Variants in PTPRC observed in about 807,000 individuals in gnomAD.
PTPRC encodes receptor-type tyrosine-protein phosphatase C.
In PTPRC, 44 loss-of-function variants were observed where a neutral mutation model predicts 155.9. That is an observed-to-expected ratio of 0.28 (90% confidence interval 0.22 to 0.36). The LOEUF is 0.36. Ranked by LOEUF, PTPRC falls within the 10% of genes least tolerant of loss-of-function variation. The pLI, the probability that PTPRC is intolerant of heterozygous loss-of-function variation, is 1.00. For synonymous variants in PTPRC, 525 were observed against 533.1 expected, an observed-to-expected ratio of 0.98 and a Z score of 0.21; for missense variants, 1,401 against 1,564.6, an observed-to-expected ratio of 0.90 and a Z score of 1.76.
intron 2 of PTPRC, among the ~76,000 whole-genome samples, chr1:198,668,524 C>A (rs1316700803): frequency 6.6e-6 from 1 of 152,048 alleles, no homozygotes; most frequent in African/African-American, 2.4e-5. Flanking sequence ...TTTAATTTTG[C>A]CAAGCATCTT....
chr1:198,729,931 G>A (rs745926818), intron 17 of PTPRC, among the ~76,000 whole-genome samples: 31 of 152,070 alleles, frequency 2.0e-4, no homozygotes, highest in Non-Finnish European at 3.8e-4. Flanking sequence ...CACAGAGATG[G>A]GGAGATGGGA....
intron 2 of PTPRC, among the ~76,000 whole-genome samples, chr1:198,666,391 A>G (rs1664308734): frequency 6.6e-6 from 1 of 152,164 alleles, no homozygotes; most frequent in African/African-American, 2.4e-5. Flanking sequence ...AACAATGAAA[A>G]GATTCTTTTA....
chr1:198,735,042 T>C (rs1654564252), intron 22 of PTPRC, 85 bp from the exon 23 acceptor site: 1 of 1,230,908 alleles, frequency 8.1e-7, no homozygotes, highest in South Asian at 1.4e-5. Context: ...TGAGTATAGG[T>C]TTTGTTTTCA....
At chr1:198,642,729 CT>C (rs1175856882) in intron 2 of PTPRC, among the ~76,000 whole-genome samples, 1 of 151,696 alleles carries the variant, frequency 6.6e-6, no homozygotes, top group Non-Finnish European at 1.5e-5. Flanking sequence ...AAGTCTCATC[CT>C]TTTTTTAATG....
intron 2 of PTPRC, among the ~76,000 whole-genome samples, chr1:198,674,783 A>T (rs1455449615): frequency 1.3e-5 from 2 of 152,114 alleles, no homozygotes; most frequent in Admixed American, 1.3e-4. Context: ...AGTTGCAAAG[A>T]TAGTAAGGAA....
chr1:198,694,695 G>A, intron 3 of PTPRC: 1 of 978,262 alleles, frequency 1.0e-6, no homozygotes, highest in Non-Finnish European at 1.2e-6. Context: ...TGAATAGAAA[G>A]AATTCTAAAC....
chr1:198,644,388 C>T (rs938956873), intron 2 of PTPRC, among the ~76,000 whole-genome samples: 8 of 151,842 alleles, frequency 5.3e-5, no homozygotes, highest in African/African-American at 1.7e-4. Flanking sequence ...GATTTGATGC[C>T]TATTTCTATA....
intron 8 of PTPRC, among the ~76,000 whole-genome samples, chr1:198,705,355 A>C (rs1652892051): frequency 6.7e-6 from 1 of 149,692 alleles, no homozygotes; most frequent in Non-Finnish European, 1.5e-5. Context: ...TTGCCTCCTT[A>C]TGTTCTTCAC....
intron 27 of PTPRC, among the ~76,000 whole-genome samples, chr1:198,748,708 TCTA>T (rs999363851): frequency 5.9e-5 from 9 of 151,802 alleles, no homozygotes; most frequent in Admixed American, 5.9e-4. Context: ...ATACTTGAAT[TCTA>T]CTATTTAAGC....
chr1:198,752,342 C>T lies in PTPRC; in HGVS notation c.3301C>T (p.Leu1101Phe), dbSNP rs752896056. 1.9e-6 allele frequency: 3 copies of T among 1,612,632 alleles called. No homozygotes were observed. In the East Asian group the frequency reaches 6.7e-5, roughly 36 times the overall value. Reference protein sequence around the residue: ...KDTDKSSTYTLRVFELRHSKR... With the variant: ...KDTDKSSTYTFRVFELRHSKR... ...CACAGACAAATCTTCAACTTATACC[C>T]TTCGTGTCTTTGAACTGAGACATTC... is the stretch of plus-strand genomic sequence containing the variant. Residue 1101 changes from leucine to phenylalanine, a missense_variant, in exon 30 of 33, where the codon CTT (leucine) becomes TTT (phenylalanine). Transcript: ENST00000442510.
chr1:198,718,884 A>C (rs1294910499), intron 14 of PTPRC, among the ~76,000 whole-genome samples: 1 of 152,150 alleles, frequency 6.6e-6, no homozygotes, highest in Non-Finnish European at 1.5e-5. Flanking sequence ...CTGTATTTTT[A>C]ATATATCACT....
chr1:198,661,543 T>C (rs1663963401), intron 2 of PTPRC, among the ~76,000 whole-genome samples: 2 of 151,900 alleles, frequency 1.3e-5, no homozygotes, highest in Non-Finnish European at 2.9e-5. Context: ...AAACATTAAT[T>C]TTCTACTAAT....
At chr1:198,755,499 TAAG>T (rs749840294) in intron 32 of PTPRC, among the ~76,000 whole-genome samples, 2 of 152,046 alleles carry the variant, frequency 1.3e-5, no homozygotes, top group African/African-American at 4.8e-5. Context: ...AGAAAAATTA[TAAG>T]AAGAACATGA....
At chr1:198,648,206 A>C (rs1308957270) in intron 2 of PTPRC, among the ~76,000 whole-genome samples, 4 of 151,886 alleles carry the variant, frequency 2.6e-5, no homozygotes, top group African/African-American at 7.2e-5. Context: ...ACTAGACAAT[A>C]GTCCTATTTT....
intron 23 of PTPRC, 63 bp downstream of exon 23, chr1:198,735,315 T>C: frequency 7.5e-7 from 1 of 1,328,336 alleles, no homozygotes; most frequent in South Asian, 1.3e-5. Flanking sequence ...AATTATGGAA[T>C]ATTAAAAGTG....
In PTPRC at chr1:198,732,466, T is replaced by C. The variant is rs1057521744; in HGVS notation, c.2066-14T>C. ...TCACTATTTCACTTGTTTATTTTTC[T>C]TTTCCTTAAACAGATGATTATAACC... On this transcript the variant is annotated splice_polypyrimidine_tract_variant and intron_variant, in intron 19 of 32. Transcript: ENST00000442510. 1.9e-6 allele frequency: 3 copies of C among 1,609,246 alleles called. No individual in the cohort carries two copies. The highest frequency in any genetic ancestry group is 1.7e-6 in the Non-Finnish European group (2 of 1,176,392).
intron 29 of PTPRC, 96 bp from the exon 30 acceptor site, chr1:198,752,153 A>G: frequency 3.0e-6 from 4 of 1,340,172 alleles, no homozygotes; most frequent in Non-Finnish European, 4.3e-6. Flanking sequence ...AATAGAAAAG[A>G]GGCACAGACA....
chr1:198,682,800 C>T (rs1345841531), intron 2 of PTPRC, among the ~76,000 whole-genome samples: 2 of 152,120 alleles, frequency 1.3e-5, no homozygotes, highest in Non-Finnish European at 2.9e-5. Context: ...AGGCATAGGC[C>T]TGTTCACTTT....
At position 198,756,487 on chromosome 1, in the gene PTPRC, AG is replaced by A. The variant is rs558201495; in HGVS notation, c.*307del. On this transcript the variant is annotated 3_prime_UTR_variant, in exon 33 of 33. Coordinates refer to ENST00000442510, the MANE Select transcript of PTPRC (RefSeq NM_002838.5). ...GTTTGTGTGAGAGACAGAGAAAGAGAGAGAATTCTTTCAAGTGAATCTAAAA... is the reference window on the plus strand; with the variant it reads ...GTTTGTGTGAGAGACAGAGAAAGAGAAGAATTCTTTCAAGTGAATCTAAAA... The A allele has an allele frequency of 2.4e-5, 6 of 249,518 alleles. No individual in the cohort carries two copies. The highest frequency in any genetic ancestry group is 8.4e-5 in the South Asian group (1 of 11,918). The allele number at this position is 249,518 out of a possible 1,614,324, so 15.5% of individuals were successfully genotyped here.
Sources: allele counts gnomAD v4.1 joint callset (sites outside exome capture counted in the v4.1 genomes callset), GRCh38; gene constraint gnomAD v4.1.1; transcripts MANE v1.5; gene names NCBI Gene and HGNC (gene_info 2026-07-23, HGNC 2026-07-21).